The following PRKN variants were observed in gnomAD, a reference collection of about 807,000 sequenced individuals.
PRKN encodes parkin RBR E3 ubiquitin protein ligase.
A neutral mutation model predicts 59.5 loss-of-function variants in PRKN; 56 were observed. The ratio of observed to expected loss-of-function variants is 0.94; its 90% confidence interval spans 0.76 to 1.18. The LOEUF (loss-of-function observed/expected upper bound fraction) is 1.18, where lower values mean the gene tolerates loss of function less well. Ranked by LOEUF, PRKN falls within the 50% of genes most tolerant of loss-of-function variation. The probability of loss-of-function intolerance (pLI) is 0.00; values close to 1 mark genes in which losing one functional copy is unlikely to be tolerated. For missense variants in PRKN, 657 were observed against 596.4 expected (o/e 1.10, Z -1.06); for synonymous variants, 250 against 222.1 (o/e 1.13, Z -1.12).
intron 9 of PRKN, among the ~76,000 whole-genome samples, chr6:161,531,769 T>G (rs1482513933): frequency 1.7e-4 from 26 of 152,226 alleles, no homozygotes; most frequent in Non-Finnish European, 2.9e-5. Context: ...AAGGGAATTG[T>G]AAACCTGAAT....
chr6:161,883,853 A>G lies in PRKN; in HGVS notation c.734+89449T>C, dbSNP rs1287223326. On this transcript the variant is annotated intron_variant, in intron 6 of 11. Coordinates refer to ENST00000366898, the MANE Select transcript of PRKN (RefSeq NM_004562.3). ...TTTTTGGTAGAGACGGGGTTTCACT[A>G]TGTCGGCCAGGCTGGTCTCAAACTC... Among the ~76,000 whole-genome samples the G allele has an allele frequency of 3.9e-5, 6 of 151,918 alleles. No individual in the cohort carries two copies. The East Asian group carries it at 7.8e-4, about 20-fold the overall frequency.
chr6:161,525,838 T>G lies in PRKN; in HGVS notation c.1083+23016A>C, dbSNP rs1223429849. Among the ~76,000 whole-genome samples the G allele has an allele frequency of 1.3e-5, 2 of 152,120 alleles. No homozygotes were observed. Among genetic ancestry groups the G allele is most frequent in the East Asian group, 3.8e-4 (2 of 5,200 alleles). The stretch of plus-strand genomic sequence containing the variant: ...GCTATAGAATAGCCTACAGATATAA[T>G]AAAAAATAATTATTTAAAGTAATTT... On this transcript the variant is annotated intron_variant, in intron 9 of 11. Coordinates refer to ENST00000366898, the MANE Select transcript of PRKN (RefSeq NM_004562.3). This position sits in a 1 kb window ranked among gnomAD's most constrained non-coding sequence, Gnocchi z 4.7.
At chr6:162,456,689 T>C (rs1018128851) in intron 1 of PRKN, among the ~76,000 whole-genome samples, 9 of 152,186 alleles carry the variant, frequency 5.9e-5, no homozygotes, top group Non-Finnish European at 1.3e-4. Flanking sequence ...TTAGGTTCCT[T>C]TGAGCCTCTG....
chr6:162,083,784 C>T (rs7766064), intron 4 of PRKN, among the ~76,000 whole-genome samples: 46,112 of 151,702 alleles, frequency 0.3, 7,488 homozygotes, highest in East Asian at 0.62. Context: ...TCTCTTTTAC[C>T]TTAGAAATGA....
At chr6:162,428,185 A>G (rs1347978453) in intron 2 of PRKN, among the ~76,000 whole-genome samples, 1 of 152,220 alleles carries the variant, frequency 6.6e-6, no homozygotes, top group Non-Finnish European at 1.5e-5. Flanking sequence ...TGCTAATGTC[A>G]GACTTGCAAA....
At chr6:161,977,640 G>A (rs1399564737) in intron 5 of PRKN, among the ~76,000 whole-genome samples, 8 of 147,902 alleles carry the variant, frequency 5.4e-5, no homozygotes, top group East Asian at 4.1e-4. Context: ...TCCACCTCCC[G>A]GGTTCACGCC....
At chr6:161,606,674 C>T (rs886865757) in intron 7 of PRKN, among the ~76,000 whole-genome samples, 12 of 152,162 alleles carry the variant, frequency 7.9e-5, no homozygotes, top group African/African-American at 2.7e-4. Flanking sequence ...TCACTGTCTG[C>T]AGAAGGGAAA....
Position 161,349,737 on chromosome 6 carries a change from G to C in PRKN, c.*362C>G. The C allele has an allele frequency of 2.6e-6, 1 of 387,800 alleles. No homozygotes were observed. The highest frequency in any genetic ancestry group is 4.8e-6 in the Non-Finnish European group (1 of 209,572). 24.0% of individuals were successfully genotyped at this position (387,800 alleles called of 1,614,324 possible). On this transcript the variant is annotated 3_prime_UTR_variant, in exon 12 of 12. Coordinates refer to ENST00000366898, the MANE Select transcript of PRKN (RefSeq NM_004562.3). This position sits in a 1 kb window ranked among gnomAD's most constrained non-coding sequence, Gnocchi z 5.5. Reference sequence around the variant, plus strand: ...GATTCTGCCTGTCTCGAATTCAGGTGAGAATGACCCATACAGATACATGGA... The same window carrying C: ...GATTCTGCCTGTCTCGAATTCAGGTCAGAATGACCCATACAGATACATGGA...
chr6:162,498,944 C>T (rs185497854), intron 1 of PRKN, among the ~76,000 whole-genome samples: 4 of 152,186 alleles, frequency 2.6e-5, no homozygotes, highest in East Asian at 3.9e-4. Context: ...TTCATTCATT[C>T]GTTTGCTCAT....
intron 1 of PRKN, among the ~76,000 whole-genome samples, chr6:162,625,230 A>G (rs1782836602): frequency 6.6e-6 from 1 of 152,218 alleles, no homozygotes; most frequent in Non-Finnish European, 1.5e-5. Flanking sequence ...CGAGGAATAA[A>G]TCAGTGTTGT....
At position 161,527,943 on chromosome 6, in the gene PRKN, A is replaced by T. The variant is rs923027003; in HGVS notation, c.1083+20911T>A. On this transcript the variant is annotated intron_variant, in intron 9 of 11. Transcript: ENST00000366898. This position sits in a 1 kb window ranked among gnomAD's most constrained non-coding sequence, Gnocchi z 4.6. ...CTCCTTTAACACAGCACTGCTTTTA[A>T]ACATTTCTTTCCCCCCACTTAGTCC... 1.3e-5 allele frequency among the ~76,000 whole-genome samples: 2 copies of T among 152,170 alleles called. No individual in the cohort carries two copies. Among genetic ancestry groups the T allele is most frequent in the South Asian group, 2.1e-4 (1 of 4,832 alleles).
At chr6:162,257,974 GAGCTCCACCTGCTCCA>G (rs1779719159) in intron 3 of PRKN, among the ~76,000 whole-genome samples, 1 of 151,996 alleles carries the variant, frequency 6.6e-6, no homozygotes, top group African/African-American at 2.4e-5. Flanking sequence ...CCTCTTCTCC[GAGCTCCACCTGCTCCA>G]AGCTCCACCC....
intron 4 of PRKN, among the ~76,000 whole-genome samples, chr6:162,062,478 C>A (rs575286073): frequency 1.3e-5 from 2 of 152,114 alleles, no homozygotes; most frequent in Admixed American, 6.6e-5. Flanking sequence ...CCCCCAGTTC[C>A]TCAGAATGTG....
chr6:162,447,360 C>G (rs2128169329), intron 1 of PRKN, among the ~76,000 whole-genome samples: 1 of 141,084 alleles, frequency 7.1e-6, no homozygotes, highest in East Asian at 2.2e-4. Flanking sequence ...ATATGGCTCA[C>G]CTCTACTTTC....
At chr6:161,558,318 T>A (rs1381685615) in intron 8 of PRKN, among the ~76,000 whole-genome samples, 1 of 152,050 alleles carries the variant, frequency 6.6e-6, no homozygotes, top group South Asian at 2.1e-4. Flanking sequence ...TCCAAGCACT[T>A]TGGGAGGCTG....
At chr6:162,680,042 T>C (rs1173210317) in intron 1 of PRKN, among the ~76,000 whole-genome samples, 1 of 152,088 alleles carries the variant, frequency 6.6e-6, no homozygotes, top group Non-Finnish European at 1.5e-5. Context: ...TTGTTTCTGA[T>C]CCTATTTCCT....
rs1257022604 is a variant in PRKN, at chr6:161,526,446, TAA to T, written c.1083+22406_1083+22407del. Among the ~76,000 whole-genome samples, 7 of 152,154 alleles carry T rather than the reference TAA, an allele frequency of 4.6e-5. No homozygotes were observed. Among genetic ancestry groups the T allele is most frequent in the Non-Finnish European group, 7.4e-5 (5 of 68,008 alleles). The stretch of plus-strand genomic sequence containing the variant: ...CTCGAATGCACACAAACTAAAATAT[TAA>T]GTGATATTTTCCTATTGTCTTCTTT... On this transcript the variant is annotated intron_variant, in intron 9 of 11. Transcript: ENST00000366898. This position sits in a 1 kb window ranked among gnomAD's most constrained non-coding sequence, Gnocchi z 4.1.
At chr6:162,223,219 T>C (rs1778013218) in intron 3 of PRKN, among the ~76,000 whole-genome samples, 1 of 152,118 alleles carries the variant, frequency 6.6e-6, no homozygotes, top group African/African-American at 2.4e-5. Context: ...CAGTATTCCA[T>C]GGTGTATATG....
At chr6:162,634,149 T>C (rs1416936543) in intron 1 of PRKN, among the ~76,000 whole-genome samples, 1 of 152,130 alleles carries the variant, frequency 6.6e-6, no homozygotes, top group Non-Finnish European at 1.5e-5. Flanking sequence ...ACCTGGGCTT[T>C]GGCTGTTCTC....
Sources: allele counts gnomAD v4.1 joint callset (sites outside exome capture counted in the v4.1 genomes callset), GRCh38; gene constraint gnomAD v4.1.1; non-coding constraint Gnocchi (gnomAD v3.1); transcripts MANE v1.5; gene names NCBI Gene and HGNC (gene_info 2026-07-23, HGNC 2026-07-21).